Variants in CREB3L3 observed in about 807,000 individuals in gnomAD.
The protein encoded by CREB3L3 is cyclic AMP-responsive element-binding protein 3-like protein 3.
CREB3L3 carries 40 observed loss-of-function variants against 44.6 expected under a neutral mutation model. That is an observed-to-expected ratio of 0.90 (90% CI 0.70 to 1.17). The LOEUF (loss-of-function observed/expected upper bound fraction) is 1.17, where lower values mean the gene tolerates loss of function less well. Among genes scored for constraint, CREB3L3 ranks in the 50% most tolerant of loss-of-function variants. The probability of loss-of-function intolerance (pLI) is 0.00; values close to 1 mark genes in which losing one functional copy is unlikely to be tolerated. For synonymous variants in CREB3L3, 273 were observed against 256.3 expected (o/e 1.06, Z -0.62); for missense variants, 578 against 595.8 (o/e 0.97, Z 0.31).
intron 4 of CREB3L3, among the ~76,000 whole-genome samples, chr19:4,160,375 A>T (rs1213606476): frequency 6.6e-6 from 1 of 151,836 alleles, no homozygotes. Context: ...TTATCATCTT[A>T]AAAAAGTTTT....
chr19:4,154,924 A>C lies in CREB3L3; in HGVS notation c.53A>C (p.Asp18Ala). The change falls in exon 2 of 10, where the codon GAC becomes GCC. Residue 18 changes from aspartate (D) to alanine (A), a missense_variant. Physicochemically the swap from Asp to Ala is moderately radical, Grantham distance 126. Transcript: ENST00000078445. ...GKMASAACSM[D>A]PIDSFELLDL... The stretch of plus-strand genomic sequence containing the variant: ...ATGGCTTCTGCTGCCTGCTCCATGG[A>C]CCCCATCGACAGCTTTGAGCTCCTG... 5 of 1,613,776 alleles carry C rather than the reference A, an allele frequency of 3.1e-6. No individual in the cohort carries two copies. Among genetic ancestry groups the C allele is most frequent in the Non-Finnish European group, 4.2e-6 (5 of 1,179,986 alleles).
At position 4,171,584 on chromosome 19, in the gene CREB3L3, TG is replaced by T. The variant is rs1599348054; in HGVS notation, c.1073-67del. 6.3e-7 allele frequency: 1 copy of T among 1,599,350 alleles called. No individual in the cohort carries two copies. Among genetic ancestry groups the T allele is most frequent in the Non-Finnish European group, 8.6e-7 (1 of 1,166,930 alleles). ...CCCCTGTGCCCTTGTTCCCTGAGGC[TG>T]GGGGCCAGGGAAGGGAGCATAGGAC... On this transcript the variant is annotated intron_variant, in intron 9 of 9. Transcript: ENST00000078445. This position sits in a 1 kb window ranked among gnomAD's most constrained non-coding sequence, Gnocchi z 4.9.
In CREB3L3 at chr19:4,164,572, A is replaced by G; in HGVS notation, c.646A>G (p.Thr216Ala). Residue 216 changes from threonine to alanine, a missense_variant, in exon 5 of 10, where the codon ACC becomes GCC. Thr to Ala is a moderately conservative substitution (Grantham distance 58, BLOSUM62 0). Coordinates refer to ENST00000078445, the MANE Select transcript of CREB3L3 (RefSeq NM_032607.3). ...GAGHCQELVL[T>A]EDEKKLLAKE... Reference sequence around the variant, plus strand: ...TGGGCACTGTCAGGAGCTGGTGCTCACCGAGGATGAGAAGAAGCTGCTGGC... The same window carrying G: ...TGGGCACTGTCAGGAGCTGGTGCTCGCCGAGGATGAGAAGAAGCTGCTGGC... 3 of 1,614,078 alleles carry G rather than the reference A, an allele frequency of 1.9e-6. No individual in the cohort carries two copies. The highest frequency in any genetic ancestry group is 2.5e-6 in the Non-Finnish European group (3 of 1,180,008).
chr19:4,154,603 G>A (rs569278431), intron 1 of CREB3L3, among the ~76,000 whole-genome samples: 1 of 151,860 alleles, frequency 6.6e-6, no homozygotes, highest in African/African-American at 2.4e-5. Flanking sequence ...TGAACTCCTG[G>A]GCTCAAGTGA....
chr19:4,172,427 T>G lies in CREB3L3; in HGVS notation c.*458T>G, dbSNP rs777240161. On this transcript the variant is annotated 3_prime_UTR_variant, in exon 10 of 10. Coordinates refer to ENST00000078445, the MANE Select transcript of CREB3L3 (RefSeq NM_032607.3). The stretch of plus-strand genomic sequence containing the variant: ...TCCGGACAGACAGACAGAAACAGCC[T>G]GAAACAGACCCAGACAGACAGACAG... 62 of 232,294 alleles carry G rather than the reference T, an allele frequency of 2.7e-4. No homozygotes were observed. In the Middle Eastern group the frequency reaches 0.012, roughly 43 times the overall value. The allele number at this position is 232,294 out of a possible 1,614,324, so 14.4% of individuals were successfully genotyped here.
At chr19:4,169,642 A>T (rs1487392273) in intron 6 of CREB3L3, among the ~76,000 whole-genome samples, 2 of 120,706 alleles carry the variant, frequency 1.7e-5, no homozygotes, top group Non-Finnish European at 3.2e-5. Flanking sequence ...CCCAGGCTGG[A>T]GTGCAATGGT....
Position 4,157,146 on chromosome 19 carries a change from G to A in CREB3L3, c.308G>A (p.Arg103His), listed in dbSNP as rs755957009. 7 of 1,613,668 alleles carry A rather than the reference G, an allele frequency of 4.3e-6. No individual in the cohort carries two copies. Among genetic ancestry groups the A allele is most frequent in the South Asian group, 2.2e-5 (2 of 91,064 alleles). ...TCCGACCCCCAGGACACCCCTCCAC[G>A]CAGCGGACCAGCCACCTCCCCCGCC... is the stretch of plus-strand genomic sequence containing the variant. ...LPSDPQDTPP[R>H]SGPATSPAGC... is the part of the protein sequence containing the mutation. The change falls in exon 3 of 10, where the codon CGC (arginine) becomes CAC (histidine). Residue 103 changes from arginine to histidine, a missense_variant. Transcript: ENST00000078445.
chr19:4,167,442 AAAGAAAGGAAGAAAAGAAGG>A, intron 5 of CREB3L3, among the ~76,000 whole-genome samples: 1 of 141,544 alleles, frequency 7.1e-6, no homozygotes, highest in Non-Finnish European at 1.5e-5. Flanking sequence ...GAAAGGAAAG[AAAGAAAGGAAGAAAAGAAGG>A]AAAGAAAGGA....
chr19:4,161,968 C>T (rs1447252581), intron 4 of CREB3L3, among the ~76,000 whole-genome samples: 6 of 152,126 alleles, frequency 3.9e-5, no homozygotes, highest in Non-Finnish European at 8.8e-5. Flanking sequence ...GGAGAATGAA[C>T]GACTGCTTTG....
At chr19:4,168,007 T>G (rs1006612930) in intron 5 of CREB3L3, among the ~76,000 whole-genome samples, 1 of 135,940 alleles carries the variant, frequency 7.4e-6, no homozygotes. Context: ...ATTTATCTAT[T>G]TATTTATTGA....
rs572150824 is a variant in CREB3L3, at chr19:4,161,422, T to C, written c.576+1640T>C. On this transcript the variant is annotated intron_variant, in intron 4 of 9. Coordinates refer to ENST00000078445, the MANE Select transcript of CREB3L3 (RefSeq NM_032607.3). ...GCTACTGCGCCCCGCCTGGGGCTTT[T>C]ATTATCTTAATTTTACATAGGAGAA... Among the ~76,000 whole-genome samples the C allele has an allele frequency of 2.9e-3, 439 of 152,288 alleles. 2 individuals carry two copies. The highest frequency in any genetic ancestry group is 9.8e-3 in the African/African-American group (408 of 41,556).
rs1277526391 is a variant in CREB3L3 at position 4,153,792 on chromosome 19, C to T, written c.27+18C>T. 6.2e-7 allele frequency: 1 copy of T among 1,613,954 alleles called. No homozygotes were observed. ...CTGGAAAGGTGAGCCCTACTAGGTCCCCAGGGAGAGCGGGAGTCTAGGCTG... is the reference window on the plus strand; with the variant it reads ...CTGGAAAGGTGAGCCCTACTAGGTCTCCAGGGAGAGCGGGAGTCTAGGCTG... On this transcript the variant is annotated intron_variant, in intron 1 of 9. Coordinates refer to ENST00000078445, the MANE Select transcript of CREB3L3 (RefSeq NM_032607.3).
At chr19:4,158,552 A>G (rs564739204) in intron 3 of CREB3L3, among the ~76,000 whole-genome samples, 229 of 152,176 alleles carry the variant, frequency 1.5e-3, no homozygotes, top group African/African-American at 5.4e-3. Context: ...CTGTAATCCC[A>G]GCACTTTGGG....
chr19:4,164,998 C>T (rs566384463), intron 5 of CREB3L3, among the ~76,000 whole-genome samples: 7 of 152,190 alleles, frequency 4.6e-5, no homozygotes, highest in African/African-American at 1.4e-4. Flanking sequence ...CGTGAGCCAC[C>T]GCACTGGCTA....
intron 4 of CREB3L3, among the ~76,000 whole-genome samples, chr19:4,160,810 T>A (rs350867): frequency 6.8e-6 from 1 of 146,766 alleles, no homozygotes; most frequent in South Asian, 2.2e-4. Context: ...CTCGGCTCAC[T>A]GCAAGCTCCG....
intron 4 of CREB3L3, among the ~76,000 whole-genome samples, chr19:4,162,933 C>T (rs1169384289): frequency 6.6e-6 from 1 of 152,082 alleles, no homozygotes; most frequent in Non-Finnish European, 1.5e-5. Context: ...GCCAAGAGAG[C>T]ACCACGGCAC....
At position 4,163,351 on chromosome 19, in the gene CREB3L3, A is replaced by AGAAAGAAAGAAAGAAGGAAG. The variant is rs535753131; in HGVS notation, c.577-1149_577-1148insAGAAAGAAAGAAGGAAGGAA. 5.2e-3 allele frequency among the ~76,000 whole-genome samples: 613 copies of AGAAAGAAAGAAAGAAGGAAG among 117,246 alleles called. 4 individuals are homozygous for AGAAAGAAAGAAAGAAGGAAG. Among genetic ancestry groups the AGAAAGAAAGAAAGAAGGAAG allele is most frequent in the African/African-American group, 0.018 (553 of 30,660 alleles). 76.9% of individuals were successfully genotyped at this position (117,246 alleles called of 152,430 possible). A position where few individuals can be genotyped will look rare whatever the true frequency, so the allele number is the denominator to read the frequency against. On this transcript the variant is annotated intron_variant, in intron 4 of 9. Transcript: ENST00000078445. ...AGAAAAGAAAGAAAGAAAGAAAGAA[A>AGAAAGAAAGAAAGAAGGAAG]GAAGGAAGGAAGGAAGGAAGGAAAG...
intron 5 of CREB3L3, among the ~76,000 whole-genome samples, chr19:4,167,995 T>TTATTTATTTATTTATC (rs1254867743): frequency 2.0e-5 from 3 of 150,586 alleles, no homozygotes; most frequent in African/African-American, 4.9e-5. Context: ...ATTTATTTAT[T>TTATTTATTTATTTATC]TATTTATCTA....
At chr19:4,155,056 A>G (rs757369037) in intron 2 of CREB3L3, 29 bp downstream of exon 2, 2 of 1,601,086 alleles carry the variant, frequency 1.2e-6, no homozygotes, top group Non-Finnish European at 1.7e-6. Flanking sequence ...TTGCCCCGGG[A>G]CCACAGAGCT....
Sources: allele counts gnomAD v4.1 joint callset (sites outside exome capture counted in the v4.1 genomes callset), GRCh38; gene constraint gnomAD v4.1.1; non-coding constraint Gnocchi (gnomAD v3.1); transcripts MANE v1.5; gene names NCBI Gene and HGNC (gene_info 2026-07-23, HGNC 2026-07-21).